The following KANSL3 variants were observed in gnomAD, a reference collection of about 807,000 sequenced individuals.
KANSL3 encodes KAT8 regulatory NSL complex subunit 3, also known as NSL complex protein NSL3.
KANSL3 carries 16 observed loss-of-function variants against 89.2 expected under a neutral mutation model. The observed-to-expected ratio is 0.18, with a 90% CI of 0.12 to 0.27. KANSL3 has a LOEUF of 0.27. Among genes scored for constraint, KANSL3 ranks in the 10% least tolerant of loss-of-function variants. The pLI, the probability that KANSL3 is intolerant of heterozygous loss-of-function variation, is 1.00. For synonymous variants in KANSL3, 385 were observed against 419.7 expected (o/e 0.92, Z 1.01); for missense variants, 879 against 1,110.6 (o/e 0.79, Z 2.96).
intron 5 of KANSL3, among the ~76,000 whole-genome samples, chr2:96,618,730 T>TA (rs973719421): frequency 6.6e-6 from 1 of 152,258 alleles, no homozygotes; most frequent in Non-Finnish European, 1.5e-5. Flanking sequence ...CTTACACAGC[T>TA]AATCAGTAAC....
chr2:96,607,874 G>A (rs2068247380), intron 14 of KANSL3, among the ~76,000 whole-genome samples: 1 of 152,154 alleles, frequency 6.6e-6, no homozygotes, highest in Non-Finnish European at 1.5e-5. Context: ...CAATGCCCAA[G>A]AGGCCTTACC....
chr2:96,591,479 T>C (rs2066273676), downstream of KANSL3, among the ~76,000 whole-genome samples: 1 of 152,220 alleles, frequency 6.6e-6, no homozygotes, highest in African/African-American at 2.4e-5. Flanking sequence ...GGTTTTAATT[T>C]TGTATTATAG....
intron 6 of KANSL3, among the ~76,000 whole-genome samples, chr2:96,613,229 G>A (rs1006310371): frequency 2.0e-5 from 3 of 152,046 alleles, no homozygotes; most frequent in African/African-American, 7.3e-5. Flanking sequence ...AAATTAGCTG[G>A]GCATGGTGGT....
rs2074349592 is a variant in KANSL3, at chr2:96,637,122, C to A, written c.14G>T (p.Gly5Val). 2 of 1,551,236 alleles carry A rather than the reference C, an allele frequency of 1.3e-6. No homozygotes were observed. Among genetic ancestry groups the A allele is most frequent in the African/African-American group, 1.4e-5 (1 of 73,150 alleles). ...TGAAGTCTGGAAGTCCCTCTCCCCA[C>A]CCCGGTGGGCCATGTCAGTGGAGGG... Reference protein sequence around the residue: MAHRGGERDFQTSAR... With the variant: MAHRVGERDFQTSAR... Residue 5 changes from glycine to valine, a missense_variant, in exon 2 of 21, where the codon GGT becomes GTT. Transcript: ENST00000431828.
In KANSL3 at chr2:96,593,356, C is replaced by T. The variant is rs972508266; in HGVS notation, c.*2255G>A. On this transcript the variant is annotated 3_prime_UTR_variant, in exon 21 of 21. Coordinates refer to ENST00000431828, the MANE Select transcript of KANSL3 (RefSeq NM_001115016.3). ...TAGGGCATCAACATGCATCTGTCAT[C>T]CAAGAATCTAAGAACTTCCTGATCC... 2.6e-5 allele frequency: 12 copies of T among 455,242 alleles called. No individual in the cohort carries two copies. Among genetic ancestry groups the T allele is most frequent in the Non-Finnish European group, 4.9e-5 (11 of 226,430 alleles). The allele number at this position is 455,242 out of a possible 1,614,324, so 28.2% of individuals were successfully genotyped here.
At chr2:96,622,065 G>A (rs2071390288) in intron 3 of KANSL3, among the ~76,000 whole-genome samples, 1 of 150,922 alleles carries the variant, frequency 6.6e-6, no homozygotes, top group African/African-American at 2.4e-5. Flanking sequence ...AGTGAGCTGA[G>A]ACAGTGCCAT....
chr2:96,595,722 G>T (rs2066469953), intron 20 of KANSL3, 91 bp from the exon 21 acceptor site: 1 of 1,385,954 alleles, frequency 7.2e-7, no homozygotes, highest in East Asian at 2.4e-5. Context: ...CAACTCCTGA[G>T]AATTTATTTT....
chr2:96,616,860 G>A (rs2070236343), intron 5 of KANSL3, among the ~76,000 whole-genome samples: 2 of 152,128 alleles, frequency 1.3e-5, no homozygotes, highest in South Asian at 2.1e-4. Context: ...CATAATATCC[G>A]ACATGCACCC....
chr2:96,633,630 C>CCA (rs2073817423), intron 2 of KANSL3, among the ~76,000 whole-genome samples: 2 of 149,886 alleles, frequency 1.3e-5, no homozygotes, highest in Non-Finnish European at 3.0e-5. Flanking sequence ...CTCTGGGAGG[C>CCA]AGAGGCATGC....
intron 20 of KANSL3, among the ~76,000 whole-genome samples, chr2:96,596,724 A>G (rs2066570089): frequency 6.6e-6 from 1 of 152,216 alleles, no homozygotes; most frequent in South Asian, 2.1e-4. Context: ...CTGATTATGA[A>G]TACACCTTAG....
intron 12 of KANSL3, 45 bp downstream of exon 12, chr2:96,609,443 AAAAGGCTACAG>A (rs1486081189): frequency 6.5e-7 from 1 of 1,528,428 alleles, no homozygotes; most frequent in African/African-American, 1.4e-5. Context: ...GACCAAACCT[AAAAGGCTACAG>A]AAAGGCAAGC....
chr2:96,625,854 A>G (rs549020388), intron 3 of KANSL3, among the ~76,000 whole-genome samples: 6 of 152,332 alleles, frequency 3.9e-5, no homozygotes, highest in Admixed American at 3.9e-4. Context: ...AGAGCATGCA[A>G]GAGATATAAT....
intron 11 of KANSL3, 42 bp from the exon 12 acceptor site, chr2:96,609,604 G>T: frequency 1.3e-6 from 2 of 1,484,200 alleles, no homozygotes; most frequent in Non-Finnish European, 9.4e-7. Flanking sequence ...CTTACACATT[G>T]CACGGCATCC....
chr2:96,597,354 G>C (rs1483313620), intron 20 of KANSL3, among the ~76,000 whole-genome samples: 1 of 152,132 alleles, frequency 6.6e-6, no homozygotes, highest in Non-Finnish European at 1.5e-5. Context: ...ACTGAATTAA[G>C]TCAACTTCCT....
In KANSL3 at chr2:96,605,006, G is replaced by A. The variant is rs570612071; in HGVS notation, c.1934-143C>T. 13 of 668,834 alleles carry A rather than the reference G, an allele frequency of 1.9e-5. No homozygotes were observed. The East Asian group carries it at 2.8e-4, about 15-fold the overall frequency. The allele number at this position is 668,834 out of a possible 1,614,324, so 41.4% of individuals were successfully genotyped here. A position where few individuals can be genotyped will look rare whatever the true frequency, so the allele number is the denominator to read the frequency against. ...GATGAACTATGCTAGAGTAGGGAGA[G>A]TTGGGGTTATTTTTTCCTTCTATTT... On this transcript the variant is annotated intron_variant, in intron 15 of 20. Coordinates refer to ENST00000431828, the MANE Select transcript of KANSL3 (RefSeq NM_001115016.3).
At chr2:96,607,149 T>G (rs1245688806) in intron 14 of KANSL3, 3 of 604,696 alleles carry the variant, frequency 5.0e-6, no homozygotes, top group East Asian at 6.7e-5. Flanking sequence ...CAATAGGGGC[T>G]CCTTCTGAAA....
chr2:96,623,421 T>C (rs2071689398), intron 3 of KANSL3, among the ~76,000 whole-genome samples: 1 of 152,196 alleles, frequency 6.6e-6, no homozygotes, highest in Admixed American at 6.5e-5. Context: ...ATACTCTAAT[T>C]TCTACAGGTC....
chr2:96,637,427 G>A (rs2074402237), intron 1 of KANSL3, among the ~76,000 whole-genome samples: 1 of 152,162 alleles, frequency 6.6e-6, no homozygotes, highest in Admixed American at 6.5e-5. Flanking sequence ...TTACCTAACG[G>A]GAGAGCTCAC....
chr2:96,637,238 A>AG, intron 1 of KANSL3, 53 bp from the exon 2 acceptor site: 5 of 597,208 alleles, frequency 8.4e-6, no homozygotes, highest in South Asian at 5.1e-5. Flanking sequence ...AATTTCTCCC[A>AG]ATCTACACCA....
Sources: gnomAD v4.1 joint callset for allele counts (sites outside exome capture counted in the v4.1 genomes callset) on GRCh38, gnomAD v4.1.1 for gene constraint, MANE v1.5 for transcripts, NCBI Gene and HGNC (gene_info 2026-07-23, HGNC 2026-07-21) for gene names.